PLXDC2: variants seen among roughly 807,000 people sequenced by gnomAD.
PLXDC2 encodes plexin domain-containing protein 2.
A neutral mutation model predicts 68.9 loss-of-function variants in PLXDC2; 40 were observed. The ratio of observed to expected loss-of-function variants is 0.58; its 90% confidence interval spans 0.45 to 0.76. PLXDC2 has a LOEUF of 0.76. PLXDC2 is among the 30% of genes least tolerant of loss of function. PLXDC2 has a pLI of 0.00. For synonymous variants in PLXDC2, 243 were observed against 234.2 expected (o/e 1.04, Z -0.34); for missense variants, 644 against 661.9 (o/e 0.97, Z 0.30).
rs570031622 is a variant in PLXDC2, at chr10:19,979,637, G to A, written c.113-22138G>A. ...TCCACCTGCCTCAGCCTCTCAAAGC[G>A]CTGGGATTACAGGCGTGAGCTCCCG... On this transcript the variant is annotated intron_variant, in intron 1 of 13. Transcript: ENST00000377252. Among the ~76,000 whole-genome samples, 17 of 152,284 alleles carry A rather than the reference G, an allele frequency of 1.1e-4. No individual in the cohort carries two copies. In the South Asian group the frequency reaches 1.9e-3, roughly 17 times the overall value.
At chr10:20,235,347 G>A (rs1244947802) in intron 12 of PLXDC2, among the ~76,000 whole-genome samples, 1 of 152,142 alleles carries the variant, frequency 6.6e-6, no homozygotes, top group African/African-American at 2.4e-5. Context: ...GAATATTAAT[G>A]AGAGTTAATA....
intron 4 of PLXDC2, among the ~76,000 whole-genome samples, chr10:20,131,845 T>C (rs967072994): frequency 5.9e-5 from 9 of 152,166 alleles, no homozygotes; most frequent in African/African-American, 2.2e-4. Flanking sequence ...ATTCTGATCT[T>C]TTTTATTTCC....
chr10:19,995,089 T>A (rs1418088829), intron 1 of PLXDC2, among the ~76,000 whole-genome samples: 3 of 152,164 alleles, frequency 2.0e-5, no homozygotes, highest in Non-Finnish European at 4.4e-5. Context: ...TATATGCCAA[T>A]GTCCATGCTT....
chr10:20,034,151 C>T (rs902777556), intron 2 of PLXDC2, among the ~76,000 whole-genome samples: 5 of 152,178 alleles, frequency 3.3e-5, no homozygotes, highest in Admixed American at 2.0e-4. Context: ...TGAAAACAAT[C>T]ACCCAACATA....
Position 20,217,538 on chromosome 10 carries a change from C to T in PLXDC2, c.1235C>T (p.Ala412Val). 2 of 1,605,924 alleles carry T rather than the reference C, an allele frequency of 1.2e-6. No individual in the cohort carries two copies. The highest frequency in any genetic ancestry group is 2.7e-5 in the African/African-American group (2 of 73,614). The change falls in exon 11 of 14, where the codon GCA (alanine) becomes GTA (valine). Residue 412 changes from alanine to valine, a missense_variant. Ala to Val is a moderately conservative substitution (Grantham distance 64). This residue lies in a region of PLXDC2 where 330 missense variants were observed against 327.9 expected (regional missense o/e 1.01). Transcript: ENST00000377252. The part of the protein sequence containing the change: ...QFRVLTTTRR[A>V]VTSQFPTSLP... ...AGGGTCCTAACTACCACCAGAAGAG[C>T]AGTGACTTCTCAGTTTCCCACCAGC... is the stretch of plus-strand genomic sequence containing the variant.
intron 2 of PLXDC2, among the ~76,000 whole-genome samples, chr10:20,013,858 G>T (rs992298411): frequency 1.3e-5 from 2 of 151,888 alleles, no homozygotes; most frequent in African/African-American, 4.8e-5. Context: ...TTTCTTTTAC[G>T]AGTAAATGAG....
At chr10:19,886,711 G>A (rs1483696965) in intron 1 of PLXDC2, among the ~76,000 whole-genome samples, 2 of 152,214 alleles carry the variant, frequency 1.3e-5, no homozygotes, top group African/African-American at 2.4e-5. Flanking sequence ...TTGAAAACTG[G>A]CACAAGACAG....
At chr10:19,892,916 A>T (rs574502751) in intron 1 of PLXDC2, among the ~76,000 whole-genome samples, 64 of 148,658 alleles carry the variant, frequency 4.3e-4, no homozygotes, top group African/African-American at 1.6e-3. Context: ...CCTAGTTGAA[A>T]TGGTCTTTTT....
chr10:20,010,468 C>G (rs571745981), intron 2 of PLXDC2, among the ~76,000 whole-genome samples: 95 of 152,262 alleles, frequency 6.2e-4, no homozygotes, highest in African/African-American at 2.2e-3. Flanking sequence ...TATCATATAT[C>G]TTGCTCAATT....
chr10:19,931,645 G>A (rs764449516), intron 1 of PLXDC2, among the ~76,000 whole-genome samples: 3 of 152,108 alleles, frequency 2.0e-5, no homozygotes, highest in African/African-American at 4.8e-5. Context: ...TTTTCAGGCC[G>A]CTACGCTCTG....
rs142423940 is a variant in PLXDC2 at position 19,986,066 on chromosome 10, A to T, written c.113-15709A>T. Among the ~76,000 whole-genome samples the T allele has an allele frequency of 5.0e-3, 755 of 152,324 alleles. 5 individuals are homozygous for T. Among genetic ancestry groups the T allele is most frequent in the African/African-American group, 0.017 (721 of 41,586 alleles). On this transcript the variant is annotated intron_variant, in intron 1 of 13. Coordinates refer to ENST00000377252, the MANE Select transcript of PLXDC2 (RefSeq NM_032812.9). Reference sequence around the variant, plus strand: ...AGCCTTTGGAAAGCTTGAAGCTGGCATGATTTGATTAAGAAGAAATGAATG... The same window carrying T: ...AGCCTTTGGAAAGCTTGAAGCTGGCTTGATTTGATTAAGAAGAAATGAATG...
intron 1 of PLXDC2, among the ~76,000 whole-genome samples, chr10:19,958,276 A>G (rs928148563): frequency 1.3e-5 from 2 of 152,128 alleles, no homozygotes; most frequent in African/African-American, 4.8e-5. Context: ...AGAGACACAA[A>G]TAACTAATTC....
intron 1 of PLXDC2, among the ~76,000 whole-genome samples, chr10:19,892,402 A>G (rs562979363): frequency 9.2e-5 from 14 of 152,334 alleles, no homozygotes; most frequent in Middle Eastern, 3.4e-3. Context: ...CTTAACCACT[A>G]TGCCACACTA....
chr10:20,009,142 G>T (rs1283647882), intron 2 of PLXDC2, among the ~76,000 whole-genome samples: 1 of 152,128 alleles, frequency 6.6e-6, no homozygotes, highest in Non-Finnish European at 1.5e-5. Context: ...AACTATAAAG[G>T]AGTAGTAAGA....
chr10:20,165,195 G>A (rs1342712915), intron 7 of PLXDC2, among the ~76,000 whole-genome samples: 1 of 151,946 alleles, frequency 6.6e-6, no homozygotes, highest in Admixed American at 6.6e-5. Flanking sequence ...ACAGATTATT[G>A]GATTGATAGG....
Position 20,046,894 on chromosome 10 carries a change from T to C in PLXDC2, c.350T>C (p.Ile117Thr). Residue 117 changes from isoleucine (I) to threonine (T), a missense_variant, in exon 3 of 14, where the codon ATA becomes ACA. Physicochemically the swap from Ile to Thr is moderately conservative, Grantham distance 89. Coordinates refer to ENST00000377252, the MANE Select transcript of PLXDC2 (RefSeq NM_032812.9). Reference sequence around the variant, plus strand: ...GAGGATACAGACCACAATTACTATATATCTCGAATATATGGTCCATCTGAT... The same window carrying C: ...GAGGATACAGACCACAATTACTATACATCTCGAATATATGGTCCATCTGAT... ...IEEDTDHNYY[I>T]SRIYGPSDSA... is the part of the protein sequence containing the mutation. 6.2e-7 allele frequency: 1 copy of C among 1,611,996 alleles called. No individual in the cohort carries two copies. Among genetic ancestry groups the C allele is most frequent in the South Asian group, 1.1e-5 (1 of 90,886 alleles).
intron 1 of PLXDC2, among the ~76,000 whole-genome samples, chr10:19,851,631 C>T (rs1204469875): frequency 2.0e-5 from 3 of 152,118 alleles, no homozygotes; most frequent in Non-Finnish European, 4.4e-5. Flanking sequence ...CTGCAACCTC[C>T]ACCTCCTGGG....
intron 9 of PLXDC2, among the ~76,000 whole-genome samples, chr10:20,196,536 A>G (rs1333855884): frequency 6.9e-6 from 1 of 145,234 alleles, no homozygotes; most frequent in Non-Finnish European, 1.5e-5. Context: ...GTTAGATTTC[A>G]AAATCTCTCT....
chr10:19,872,190 C>A (rs573985057), intron 1 of PLXDC2, among the ~76,000 whole-genome samples: 1 of 152,226 alleles, frequency 6.6e-6, no homozygotes, highest in South Asian at 2.1e-4. Flanking sequence ...AGGACATGAA[C>A]GAAGACATCT....
Sources: allele counts gnomAD v4.1 joint callset (sites outside exome capture counted in the v4.1 genomes callset), GRCh38; gene constraint gnomAD v4.1.1; regional missense constraint gnomAD v4.1.1; transcripts MANE v1.5; gene names NCBI Gene and HGNC (gene_info 2026-07-23, HGNC 2026-07-21).